GSG1: variants seen among roughly 807,000 people sequenced by gnomAD.
GSG1 encodes germ cell associated 1.
A neutral mutation model predicts 30.8 loss-of-function variants in GSG1; 28 were observed. The ratio of observed to expected loss-of-function variants is 0.91; its 90% CI spans 0.67 to 1.25. The LOEUF is 1.25. GSG1 is among the 50% of genes most tolerant of loss of function. The pLI, the probability that GSG1 is intolerant of heterozygous loss-of-function variation, is 0.00. For missense variants in GSG1, 435 were observed against 444.7 expected (o/e 0.98, Z 0.20); for synonymous variants, 162 against 178.0 (o/e 0.91, Z 0.71).
chr12:13,096,578 A>T (rs1866684854), intron 1 of GSG1, among the ~76,000 whole-genome samples: 1 of 152,120 alleles, frequency 6.6e-6, no homozygotes, highest in South Asian at 2.1e-4. Context: ...ATGCAGATAG[A>T]ATAGGATTGG....
At chr12:13,100,693 T>C (rs1330636484) in intron 1 of GSG1, among the ~76,000 whole-genome samples, 1 of 152,172 alleles carries the variant, frequency 6.6e-6, no homozygotes, top group African/African-American at 2.4e-5. Flanking sequence ...ACAAAGATGG[T>C]CTTCACACGG....
At position 13,088,923 on chromosome 12, in the gene GSG1, G is replaced by C; in HGVS notation, c.434-14C>G. 1 of 1,613,904 alleles carries C rather than the reference G, an allele frequency of 6.2e-7. No individual in the cohort carries two copies. Among genetic ancestry groups the C allele is most frequent in the Non-Finnish European group, 8.5e-7 (1 of 1,179,882 alleles). On this transcript the variant is annotated splice_polypyrimidine_tract_variant and intron_variant, in intron 3 of 6. Coordinates refer to ENST00000651961, the MANE Select transcript of GSG1 (RefSeq NM_001080555.4). ...GGCACCTCTCCCCTGAAACATACAAGGTACAACGTCATGGAGCTACTCCCT... is the reference window on the plus strand; with the variant it reads ...GGCACCTCTCCCCTGAAACATACAACGTACAACGTCATGGAGCTACTCCCT...
At chr12:13,097,229 A>T (rs548521558) in intron 1 of GSG1, among the ~76,000 whole-genome samples, 2 of 152,112 alleles carry the variant, frequency 1.3e-5, no homozygotes, top group Non-Finnish European at 2.9e-5. Context: ...ACTGCCTTCA[A>T]TCTCTTTTTA....
At chr12:13,090,306 G>T (rs1233786809) in intron 2 of GSG1, among the ~76,000 whole-genome samples, 197 bp downstream of exon 2, 2 of 152,224 alleles carry the variant, frequency 1.3e-5, no homozygotes, top group African/African-American at 2.4e-5. Flanking sequence ...ATTAAAAGGG[G>T]CTCCTATAGA....
chr12:13,095,364 A>G (rs999159604), intron 1 of GSG1, among the ~76,000 whole-genome samples: 1 of 152,240 alleles, frequency 6.6e-6, no homozygotes, highest in East Asian at 1.9e-4. Flanking sequence ...TTTACTCGCT[A>G]GAAAAGGGAC....
intron 2 of GSG1, 125 bp from the exon 3 acceptor site, chr12:13,089,401 G>C (rs1436765815): frequency 6.7e-7 from 1 of 1,494,100 alleles, no homozygotes; most frequent in East Asian, 2.5e-5. Flanking sequence ...CTGGGCATTA[G>C]AAGAACTTTA....
chr12:13,090,876 G>T, intron 1 of GSG1, 58 bp from the exon 2 acceptor site: 1 of 1,446,318 alleles, frequency 6.9e-7, no homozygotes, highest in East Asian at 2.3e-5. Context: ...ACTCAGAGCC[G>T]CCTCGGAGAT....
At chr12:13,103,289 G>A (rs1447356729) in intron 1 of GSG1, among the ~76,000 whole-genome samples, 176 bp downstream of exon 1, 2 of 152,138 alleles carry the variant, frequency 1.3e-5, no homozygotes, top group African/African-American at 4.8e-5. Context: ...ATGAAAACTG[G>A]GCTGAGTGAC....
chr12:13,094,221 C>A (rs532684807), intron 1 of GSG1, among the ~76,000 whole-genome samples: 12 of 152,274 alleles, frequency 7.9e-5, no homozygotes, highest in Admixed American at 7.8e-4. Flanking sequence ...AGAAATGAAA[C>A]AATTTGTTCT....
chr12:13,102,871 A>G (rs1863317108), intron 1 of GSG1, among the ~76,000 whole-genome samples: 1 of 152,232 alleles, frequency 6.6e-6, no homozygotes, highest in Admixed American at 6.5e-5. Flanking sequence ...TTCTCTGCAG[A>G]GTGTGAGAGT....
chr12:13,090,414 C>T lies in GSG1; in HGVS notation c.364+89G>A, dbSNP rs1051711117. On this transcript the variant is annotated intron_variant, in intron 2 of 6. Transcript: ENST00000651961. ...GCTGCACTTCCAGGGCAACGCCAGC[C>T]CTAAGCGGGCCTACCTGATTTCCAT... 1.3e-5 allele frequency: 16 copies of T among 1,273,242 alleles called. No individual in the cohort carries two copies. The Admixed American group carries it at 1.4e-4, about 11-fold the overall frequency. 78.9% of individuals were successfully genotyped at this position (1,273,242 alleles called of 1,614,324 possible). A position where few individuals can be genotyped will look rare whatever the true frequency, so the allele number is the denominator to read the frequency against.
intron 1 of GSG1, among the ~76,000 whole-genome samples, chr12:13,096,017 T>C (rs1866630303): frequency 6.6e-6 from 1 of 152,210 alleles, no homozygotes; most frequent in African/African-American, 2.4e-5. Flanking sequence ...GACGAAGATA[T>C]GGCAGGTCAC....
At chr12:13,087,405 G>A (rs953671318) in intron 5 of GSG1, 142 bp from the exon 6 acceptor site, 16 of 616,910 alleles carry the variant, frequency 2.6e-5, no homozygotes, top group Middle Eastern at 3.5e-4. Flanking sequence ...CACATTTCCC[G>A]AAGACTAATT....
intron 6 of GSG1, among the ~76,000 whole-genome samples, chr12:13,086,155 G>A (rs1370325771): frequency 6.6e-6 from 1 of 152,204 alleles, no homozygotes; most frequent in Non-Finnish European, 1.5e-5. Context: ...AAATGCAGTA[G>A]GTTCAGTCTG....
intron 1 of GSG1, among the ~76,000 whole-genome samples, chr12:13,098,141 GTT>G (rs1174478366): frequency 2.8e-5 from 4 of 140,994 alleles, no homozygotes; most frequent in African/African-American, 5.2e-5. Context: ...TGTGTTCTTT[GTT>G]TTTTTTTTTT....
rs1309504641 is a variant in GSG1, at chr12:13,084,933, C to T, written c.1057G>A (p.Val353Ile). 6.4e-7 allele frequency: 1 copy of T among 1,551,512 alleles called. No homozygotes were observed. Among genetic ancestry groups the T allele is most frequent in the South Asian group, 1.2e-5 (1 of 84,002 alleles). The change falls in exon 7 of 7, where the codon GTT becomes ATT. Residue 353 changes from valine to isoleucine, a missense_variant. Transcript: ENST00000651961. ...TGCTCTTCCTCTACAGATGACCTAA[C>T]TGCTTCTTTCAGCTCCTGGCTGGCC... ...RGASQELKEA[V>I]RSSVEEEQC is the part of the protein sequence containing the mutation.
chr12:13,087,026 T>C, intron 6 of GSG1, 126 bp downstream of exon 6: 1 of 645,200 alleles, frequency 1.5e-6, no homozygotes, highest in Non-Finnish European at 2.8e-6. Context: ...CCTGTGTGGT[T>C]GACAGGCTCT....
In GSG1 at chr12:13,091,855, C is replaced by T. The variant is rs970660415; in HGVS notation, c.49-1037G>A. On this transcript the variant is annotated intron_variant, in intron 1 of 6. Transcript: ENST00000651961. ...AAGGTTCCCACGTCACGTGAAACTA[C>T]GATCAAATAAACTTGAATGTTTTTT... 4.6e-5 allele frequency among the ~76,000 whole-genome samples: 7 copies of T among 152,348 alleles called. No homozygotes were observed. The East Asian group carries it at 5.8e-4, about 13-fold the overall frequency.
rs186980597 is a variant in GSG1 at position 13,094,634 on chromosome 12, C to G, written c.49-3816G>C. Among the ~76,000 whole-genome samples the G allele has an allele frequency of 6.0e-3, 915 of 152,320 alleles. 13 individuals carry two copies. The highest frequency in any genetic ancestry group is 0.021 in the African/African-American group (877 of 41,560). On this transcript the variant is annotated intron_variant, in intron 1 of 6. Transcript: ENST00000651961. ...GAGTCATCCTTTCTAATAATTCTTA[C>G]ATTGCTTGAATAAGAAATGGACTTC... is the stretch of plus-strand genomic sequence containing the variant.
Sources: gnomAD v4.1 joint callset for allele counts (sites outside exome capture counted in the v4.1 genomes callset) on GRCh38, gnomAD v4.1.1 for gene constraint, MANE v1.5 for transcripts, NCBI Gene and HGNC (gene_info 2026-07-23, HGNC 2026-07-21) for gene names.